ZDHHC17: variants seen among roughly 807,000 people sequenced by gnomAD.
The protein encoded by ZDHHC17 is palmitoyltransferase ZDHHC17.
In ZDHHC17, 40 loss-of-function variants were observed where a neutral mutation model predicts 90.3. The ratio of observed to expected loss-of-function variants is 0.44; its 90% confidence interval spans 0.34 to 0.58. The LOEUF is 0.58. ZDHHC17 is among the 20% of genes least tolerant of loss of function. The pLI is 0.01. For missense variants in ZDHHC17, 614 were observed against 780.8 expected (o/e 0.79, Z 2.55); for synonymous variants, 235 against 252.4 (o/e 0.93, Z 0.65).
intron 5 of ZDHHC17, among the ~76,000 whole-genome samples, chr12:76,812,415 A>G (rs771945765): frequency 6.6e-6 from 1 of 152,038 alleles, no homozygotes; most frequent in African/African-American, 2.4e-5. Flanking sequence ...TCAGATAGTC[A>G]CACAGTTTCT....
At chr12:76,822,182 AAAAAT>A (rs1305816664) in intron 7 of ZDHHC17, among the ~76,000 whole-genome samples, 1 of 152,230 alleles carries the variant, frequency 6.6e-6, no homozygotes, top group Non-Finnish European at 1.5e-5. Flanking sequence ...AAATACAGGC[AAAAAT>A]AAAATCTACG....
chr12:76,821,095 G>T, intron 7 of ZDHHC17: 1 of 1,289,268 alleles, frequency 7.8e-7, no homozygotes, highest in South Asian at 1.2e-5. Flanking sequence ...TAGTGGAAGG[G>T]ATGCTCAGCT....
chr12:76,773,499 T>C (rs1243449265), intron 1 of ZDHHC17, among the ~76,000 whole-genome samples: 2 of 152,224 alleles, frequency 1.3e-5, no homozygotes, highest in African/African-American at 4.8e-5. Flanking sequence ...GTCTTATTGC[T>C]TCCAAGTTTT....
intron 10 of ZDHHC17, among the ~76,000 whole-genome samples, chr12:76,834,989 G>T (rs916199920): frequency 3.2e-5 from 4 of 126,726 alleles, no homozygotes; most frequent in Non-Finnish European, 4.9e-5. Flanking sequence ...GCTCTTTTTG[G>T]CCTTTTGCTC....
chr12:76,818,468 A>G (rs1455038473), intron 7 of ZDHHC17, among the ~76,000 whole-genome samples: 1 of 152,216 alleles, frequency 6.6e-6, no homozygotes, highest in Non-Finnish European at 1.5e-5. Flanking sequence ...TTGAGGAAAC[A>G]GCCAGTAAGT....
Position 76,774,518 on chromosome 12 carries a change from T to G in ZDHHC17, c.93+10189T>G, listed in dbSNP as rs190043321. ...TAGGTGTCTCAAGTTTAAACATTTTTGAAGAGTCCTACTATCATTTGTATT... is the reference window on the plus strand; with the variant it reads ...TAGGTGTCTCAAGTTTAAACATTTTGGAAGAGTCCTACTATCATTTGTATT... On this transcript the variant is annotated intron_variant, in intron 1 of 16. Transcript: ENST00000426126. 5.9e-5 allele frequency among the ~76,000 whole-genome samples: 9 copies of G among 152,312 alleles called. No individual in the cohort carries two copies. In the East Asian group the frequency reaches 1.5e-3, roughly 26 times the overall value.
At position 76,795,448 on chromosome 12, in the gene ZDHHC17, C is replaced by T. The variant is rs534324801; in HGVS notation, c.94-1986C>T. On this transcript the variant is annotated intron_variant, in intron 1 of 16. Coordinates refer to ENST00000426126, the MANE Select transcript of ZDHHC17 (RefSeq NM_015336.4). ...GTTTTGTTGGGTATATTATTCTGTT[C>T]TCCCTGAAAGATGTGATCAAGTTTT... Among the ~76,000 whole-genome samples, 10 of 152,180 alleles carry T rather than the reference C, an allele frequency of 6.6e-5. No individual in the cohort carries two copies. The South Asian group carries it at 1.7e-3, about 25-fold the overall frequency.
intron 8 of ZDHHC17, among the ~76,000 whole-genome samples, chr12:76,824,716 G>A (rs141463771): frequency 1.7e-3 from 261 of 151,682 alleles, no homozygotes; most frequent in Admixed American, 2.7e-3. Context: ...GTGGTGGTGC[G>A]CCTATAGTCC....
intron 15 of ZDHHC17, among the ~76,000 whole-genome samples, chr12:76,849,000 G>A (rs1953527367): frequency 6.8e-6 from 1 of 147,464 alleles, no homozygotes; most frequent in African/African-American, 2.5e-5. Flanking sequence ...ATAATGGTTT[G>A]TGCAGCCTGG....
At chr12:76,850,467 C>G (rs1592502601) in intron 16 of ZDHHC17, among the ~76,000 whole-genome samples, 1 of 152,128 alleles carries the variant, frequency 6.6e-6, no homozygotes, top group African/African-American at 2.4e-5. Flanking sequence ...GTCTGTAGTC[C>G]TAGCTACTTG....
At chr12:76,827,306 G>A (rs1953241878) in intron 9 of ZDHHC17, among the ~76,000 whole-genome samples, 3 of 152,168 alleles carry the variant, frequency 2.0e-5, no homozygotes, top group East Asian at 1.9e-4. Flanking sequence ...AAATATTTCA[G>A]TAAAAGTGAA....
chr12:76,832,693 C>A (rs1253104193), intron 10 of ZDHHC17, among the ~76,000 whole-genome samples: 2 of 152,334 alleles, frequency 1.3e-5, no homozygotes, highest in South Asian at 4.1e-4. Context: ...TAAAGCACAT[C>A]ACAGCCTCCT....
intron 2 of ZDHHC17, among the ~76,000 whole-genome samples, chr12:76,804,591 A>C (rs1952932869): frequency 1.3e-5 from 2 of 152,268 alleles, no homozygotes; most frequent in Non-Finnish European, 2.9e-5. Context: ...AGGAGGGGTC[A>C]GCCCATAAAA....
chr12:76,791,513 G>T (rs974175749), intron 1 of ZDHHC17, among the ~76,000 whole-genome samples: 3 of 152,046 alleles, frequency 2.0e-5, no homozygotes, highest in East Asian at 3.9e-4. Flanking sequence ...TTTTAAGAAG[G>T]TTCGTTAGTA....
chr12:76,786,945 A>T (rs1350293925), intron 1 of ZDHHC17, among the ~76,000 whole-genome samples: 2 of 152,194 alleles, frequency 1.3e-5, no homozygotes, highest in African/African-American at 4.8e-5. Flanking sequence ...CTCCTAAGAG[A>T]TAGTTTACAA....
chr12:76,805,469 GAACTT>G (rs1952944447), intron 3 of ZDHHC17, 30 bp downstream of exon 3: 2 of 1,420,518 alleles, frequency 1.4e-6, no homozygotes, highest in East Asian at 5.4e-5. Flanking sequence ...TTAATTATTA[GAACTT>G]GACTTTTTAT....
At chr12:76,828,774 A>G (rs1402283365) in intron 10 of ZDHHC17, among the ~76,000 whole-genome samples, 1 of 152,162 alleles carries the variant, frequency 6.6e-6, no homozygotes, top group Non-Finnish European at 1.5e-5. Flanking sequence ...ATAAATTAGT[A>G]TTGTTATCCC....
chr12:76,843,997 C>G (rs1304262604), intron 12 of ZDHHC17: 1 of 152,054 alleles, frequency 6.6e-6, no homozygotes, highest in African/African-American at 2.4e-5. Context: ...TTCCGGCATT[C>G]TGAAAACAGT....
chr12:76,815,784 G>T, intron 6 of ZDHHC17, 73 bp from the exon 7 acceptor site: 1 of 1,401,242 alleles, frequency 7.1e-7, no homozygotes, highest in Non-Finnish European at 9.4e-7. Context: ...AATCAGTTTA[G>T]TATTTGTAAT....
Sources: gnomAD v4.1 joint callset for allele counts (sites outside exome capture counted in the v4.1 genomes callset) on GRCh38, gnomAD v4.1.1 for gene constraint, MANE v1.5 for transcripts, NCBI Gene and HGNC (gene_info 2026-07-23, HGNC 2026-07-21) for gene names.